Variants in ODAD1 observed in about 807,000 individuals in gnomAD.
ODAD1 encodes outer dynein arm docking complex subunit 1.
ODAD1 carries 49 observed loss-of-function variants against 67.2 expected under a neutral mutation model. The ratio of observed to expected loss-of-function variants is 0.73; its 90% CI spans 0.58 to 0.92. The LOEUF (loss-of-function observed/expected upper bound fraction) is 0.92, where lower values mean the gene tolerates loss of function less well. Ranked by LOEUF, ODAD1 falls within the 40% of genes least tolerant of loss-of-function variation. The pLI, the probability that ODAD1 is intolerant of heterozygous loss-of-function variation, is 0.00. For missense variants in ODAD1, 897 were observed against 953.7 expected, an observed-to-expected ratio of 0.94 and a Z score of 0.78; for synonymous variants, 345 against 393.7, an observed-to-expected ratio of 0.88 and a Z score of 1.46.
chr19:48,311,647 T>C lies in ODAD1; in HGVS notation c.503A>G (p.Asn168Ser). ...QLDRVTCHFD[N>S]QLVRNAALRE... ...CAGGGCCGCATTCCGTACCAGCTGG[T>C]TGTCAAAGTGACAGGTGACCTGGGA... The change falls in exon 7 of 16, where the codon AAC (asparagine) becomes AGC (serine). Residue 168 changes from asparagine (N) to serine (S), a missense_variant. Asn to Ser is a conservative substitution (Grantham distance 46, BLOSUM62 1). Coordinates refer to ENST00000674294, the MANE Select transcript of ODAD1 (RefSeq NM_001364171.2). 1.3e-6 allele frequency: 2 copies of C among 1,550,144 alleles called. No individual in the cohort carries two copies. The highest frequency in any genetic ancestry group is 1.7e-6 in the Non-Finnish European group (2 of 1,145,662).
At chr19:48,310,265 T>C (rs921529354) in intron 7 of ODAD1, among the ~76,000 whole-genome samples, 9 of 151,726 alleles carry the variant, frequency 5.9e-5, no homozygotes, top group South Asian at 4.2e-4. Flanking sequence ...GATAAACCCA[T>C]GTCAGGGGAC....
chr19:48,302,088 G>GGA (rs1569003319), intron 12 of ODAD1, among the ~76,000 whole-genome samples: 4 of 144,934 alleles, frequency 2.8e-5, no homozygotes, highest in African/African-American at 7.6e-5. Flanking sequence ...GGATGGATGG[G>GGA]TGGATGAATG....
chr19:48,299,517 G>A (rs1968400796), intron 12 of ODAD1, among the ~76,000 whole-genome samples: 1 of 152,018 alleles, frequency 6.6e-6, no homozygotes, highest in African/African-American at 2.4e-5. Flanking sequence ...AAATAAGAAA[G>A]ATGAGGCCCG....
chr19:48,314,731 A>C (rs559516813), intron 5 of ODAD1, among the ~76,000 whole-genome samples: 6 of 152,224 alleles, frequency 3.9e-5, no homozygotes, highest in Non-Finnish European at 8.8e-5. Flanking sequence ...ACCTGAGGTC[A>C]GGAGTTTGAG....
At position 48,321,118 on chromosome 19, in the gene ODAD1, A is replaced by G. The variant is rs935164205; in HGVS notation, c.-63-307T>C. ...CCGGACATGGCGGCTCGTGCCTGTA[A>G]TCCCAGCTACTCAGGAGGCTGGGGC... On this transcript the variant is annotated intron_variant, in intron 1 of 15. Transcript: ENST00000674294. Among the ~76,000 whole-genome samples the G allele has an allele frequency of 4.5e-4, 69 of 152,140 alleles. 1 individual carries two copies. The highest frequency in any genetic ancestry group is 1.6e-4 in the Non-Finnish European group (11 of 68,018).
chr19:48,311,528 T>TC (rs970206062), intron 7 of ODAD1, 25 bp downstream of exon 7: 1 of 1,378,216 alleles, frequency 7.3e-7, no homozygotes, highest in African/African-American at 1.4e-5. Flanking sequence ...CCCTGTCTCC[T>TC]CCCCTGGATT....
chr19:48,302,883 G>A, intron 11 of ODAD1, 21 bp from the exon 12 acceptor site: 8 of 1,613,366 alleles, frequency 5.0e-6, no homozygotes, highest in Non-Finnish European at 5.9e-6. Flanking sequence ...AGGGCTGAAT[G>A]CTGGGCCAGA....
chr19:48,301,844 T>C (rs970550146), intron 12 of ODAD1, among the ~76,000 whole-genome samples: 26 of 150,202 alleles, frequency 1.7e-4, no homozygotes, highest in African/African-American at 5.7e-4. Context: ...GATGGATGGA[T>C]GGATGGATGG....
chr19:48,313,140 A>G (rs115456534), intron 5 of ODAD1, among the ~76,000 whole-genome samples: 5 of 152,120 alleles, frequency 3.3e-5, no homozygotes, highest in African/African-American at 4.8e-5. Flanking sequence ...ATAAAAACTC[A>G]TATGTTGGCC....
At chr19:48,317,932 G>A (rs1369605313) in intron 5 of ODAD1, among the ~76,000 whole-genome samples, 1 of 152,056 alleles carries the variant, frequency 6.6e-6, no homozygotes, top group Non-Finnish European at 1.5e-5. Context: ...AAGTAGCCAG[G>A]CCTGGTGGTG....
At chr19:48,303,532 CTTG>C in intron 10 of ODAD1, 115 bp downstream of exon 10, 1 of 1,324,804 alleles carries the variant, frequency 7.5e-7, no homozygotes, top group Non-Finnish European at 1.1e-6. Flanking sequence ...GGCATGACGC[CTTG>C]TTCCTCCAGC....
intron 12 of ODAD1, among the ~76,000 whole-genome samples, chr19:48,302,088 GTGGATGAATGGA>G (rs1445220275): frequency 5.5e-5 from 8 of 144,818 alleles, no homozygotes; most frequent in Non-Finnish European, 4.6e-5. Context: ...GGATGGATGG[GTGGATGAATGGA>G]TGGATGGATG....
rs544375395 is a variant in ODAD1 at position 48,297,951 on chromosome 19, C to T, written c.1502+49G>A. 7.7e-5 allele frequency: 111 copies of T among 1,443,402 alleles called. 1 individual carries two copies. The East Asian group carries it at 2.5e-3, about 32-fold the overall frequency. The allele number at this position is 1,443,402 out of a possible 1,614,324, so 89.4% of individuals were successfully genotyped here. On this transcript the variant is annotated intron_variant, in intron 14 of 15. Transcript: ENST00000674294. ...TCTCTATCCTGTGTGTTCCCTCTGC[C>T]CCCATGGAAGCCCCGTCCCCTCTGC...
chr19:48,298,135 C>T, intron 13 of ODAD1, 38 bp from the exon 14 acceptor site: 1 of 1,611,484 alleles, frequency 6.2e-7, no homozygotes, highest in Non-Finnish European at 8.5e-7. Flanking sequence ...CTGGGCCACC[C>T]CCGAGACCGG....
At chr19:48,311,531 C>T in intron 7 of ODAD1, 22 bp downstream of exon 7, 1 of 1,428,028 alleles carries the variant, frequency 7.0e-7, no homozygotes, top group Non-Finnish European at 9.7e-7. Context: ...TGTCTCCTCC[C>T]CTGGATTTCA....
rs1968778540 is a variant in ODAD1 at position 48,312,089 on chromosome 19, T to C, written c.388A>G (p.Thr130Ala). The change falls in exon 6 of 16, where the codon ACC (threonine) becomes GCC (alanine). Residue 130 changes from threonine to alanine, a missense_variant. By Grantham distance (58) the Thr-to-Ala change is moderately conservative. Coordinates refer to ENST00000674294, the MANE Select transcript of ODAD1 (RefSeq NM_001364171.2). ...GGGGACCTGACATTCTTACTGTGGG[T>C]AAAGATCCGCGTCTCCCACTCCTGG... ...QIQEWETRIF[T>A]HSKNVRSPGF... is the part of the protein sequence containing the mutation. 1 of 1,551,258 alleles carries C rather than the reference T, an allele frequency of 6.4e-7. No homozygotes were observed. Among genetic ancestry groups the C allele is most frequent in the Middle Eastern group, 1.7e-4 (1 of 5,980 alleles).
intron 7 of ODAD1, among the ~76,000 whole-genome samples, chr19:48,311,022 C>G (rs1045101722): frequency 1.3e-5 from 2 of 152,068 alleles, no homozygotes; most frequent in Non-Finnish European, 2.9e-5. Flanking sequence ...ACCATCCTGG[C>G]TAACACAGTG....
rs904931763 is a variant in ODAD1, at chr19:48,318,660, T to G, written c.170+53A>C. On this transcript the variant is annotated intron_variant, in intron 4 of 15. Transcript: ENST00000674294. ...AAGGCAGGACCCAGGAGTCCAGTCTTCAGCCCCTCTGACCCCCTCCTCCCC... is the reference window on the plus strand; with the variant it reads ...AAGGCAGGACCCAGGAGTCCAGTCTGCAGCCCCTCTGACCCCCTCCTCCCC... 1.2e-5 allele frequency: 19 copies of G among 1,533,942 alleles called. No homozygotes were observed. In the African/African-American group the frequency reaches 2.2e-4, roughly 18 times the overall value.
At chr19:48,318,315 G>T (rs1039579939) in intron 5 of ODAD1, 72 bp downstream of exon 5, 2 of 1,323,010 alleles carry the variant, frequency 1.5e-6, no homozygotes, top group Non-Finnish European at 1.0e-6. Context: ...TTCACATGAG[G>T]AAGCTAAGGC....
Sources: gnomAD v4.1 joint callset for allele counts (sites outside exome capture counted in the v4.1 genomes callset) on GRCh38, gnomAD v4.1.1 for gene constraint, MANE v1.5 for transcripts, NCBI Gene and HGNC (gene_info 2026-07-23, HGNC 2026-07-21) for gene names.